Variants in ERAP2 observed in about 807,000 individuals in gnomAD.
The protein encoded by ERAP2 is endoplasmic reticulum aminopeptidase 2.
A neutral mutation model predicts 111.1 loss-of-function variants in ERAP2; 118 were observed. The observed-to-expected ratio is 1.06, with a 90% CI of 0.92 to 1.24. ERAP2 has a LOEUF of 1.24. Ranked by LOEUF, ERAP2 falls within the 50% of genes most tolerant of loss-of-function variation. The pLI is 0.00. For missense variants in ERAP2, 1,131 were observed against 1,125.8 expected (o/e 1.00, Z -0.07); for synonymous variants, 410 against 401.2 (o/e 1.02, Z -0.26).
Position 96,901,679 on chromosome 5 carries a change from G to A in ERAP2, c.1746G>A (p.Glu582=), listed in dbSNP as rs749359343. 1.9e-6 allele frequency: 3 copies of A among 1,613,318 alleles called. No individual in the cohort carries two copies. The highest frequency in any genetic ancestry group is 2.5e-6 in the Non-Finnish European group (3 of 1,179,746). Reference sequence around the variant, plus strand: ...ACCCTGAATGGAGGGCCCTGCAGGAGAGGTGGCTGCTTTTCTTCTTTAGGT... The same window carrying A: ...ACCCTGAATGGAGGGCCCTGCAGGAAAGGTGGCTGCTTTTCTTCTTTAGGT... ...QEDPEWRALQ[E]RYLWHIPLTY... The change falls in exon 11 of 19, where the codon GAG becomes GAA. Residue 582 remains glutamate (E), a splice_region_variant and synonymous_variant. Coordinates refer to ENST00000437043, the MANE Select transcript of ERAP2 (RefSeq NM_022350.5).
intron 7 of ERAP2, among the ~76,000 whole-genome samples, chr5:96,895,958 G>A (rs187444294): frequency 5.9e-5 from 9 of 152,282 alleles, no homozygotes; most frequent in Admixed American, 4.6e-4. Flanking sequence ...TACTGTGTAT[G>A]TACTGAATTT....
chr5:96,907,420 T>C (rs989530158), intron 13 of ERAP2, among the ~76,000 whole-genome samples: 18 of 152,326 alleles, frequency 1.2e-4, no homozygotes, highest in East Asian at 7.7e-4. Flanking sequence ...AAAGAAAAAC[T>C]GGCTTAATAT....
At chr5:96,893,502 T>G (rs1784580902) in intron 6 of ERAP2, among the ~76,000 whole-genome samples, 1 of 152,208 alleles carries the variant, frequency 6.6e-6, no homozygotes, top group African/African-American at 2.4e-5. Context: ...TTAGGTGTTT[T>G]GATCATGAGT....
chr5:96,897,593 T>C (rs1030429348), intron 9 of ERAP2, among the ~76,000 whole-genome samples: 1 of 152,196 alleles, frequency 6.6e-6, no homozygotes, highest in Admixed American at 6.5e-5. Context: ...ATAATAGTGA[T>C]TAATAAGCAG....
In ERAP2 at chr5:96,917,773, G is replaced by A. The variant is rs1200887268; in HGVS notation, c.*168G>A. 4 of 418,028 alleles carry A rather than the reference G, an allele frequency of 9.6e-6. No individual in the cohort carries two copies. The highest frequency in any genetic ancestry group is 1.7e-5 in the Non-Finnish European group (4 of 235,280). 25.9% of individuals were successfully genotyped at this position (418,028 alleles called of 1,614,324 possible). A position where few individuals can be genotyped will look rare whatever the true frequency, so the allele number is the denominator to read the frequency against. ...TACAAAAAATTAGCCGGGCATGGTG[G>A]CAGGTGCCTGTAGTCCCAGCTACTC... On this transcript the variant is annotated 3_prime_UTR_variant, in exon 19 of 19. Coordinates refer to ENST00000437043, the MANE Select transcript of ERAP2 (RefSeq NM_022350.5).
At position 96,903,552 on chromosome 5, in the gene ERAP2, G is replaced by A; in HGVS notation, c.2004G>A (p.Gln668=). ...TAGGTCTGATTCATGATGTGTTTCA[G>A]CTAGTTGGGTAAGGCAACATTTCCT... ...DRVGLIHDVF[Q]LVGAGRLTLD... is the part of the protein sequence containing the mutation. Residue 668 remains glutamine, a synonymous_variant, in exon 13 of 19, where the codon CAG becomes CAA. Coordinates refer to ENST00000437043, the MANE Select transcript of ERAP2 (RefSeq NM_022350.5). 6.3e-7 allele frequency: 1 copy of A among 1,596,280 alleles called. No homozygotes were observed. The highest frequency in any genetic ancestry group is 8.5e-7 in the Non-Finnish European group (1 of 1,173,452).
At chr5:96,891,521 A>AG (rs1784381451) in intron 5 of ERAP2, among the ~76,000 whole-genome samples, 1 of 30,408 alleles carries the variant, frequency 3.3e-5, no homozygotes, top group African/African-American at 1.3e-4. Context: ...ATATATGCCC[A>AG]TATACGGTAT....
At chr5:96,901,760 C>G in intron 11 of ERAP2, 79 bp downstream of exon 11, 1 of 1,437,352 alleles carries the variant, frequency 7.0e-7, no homozygotes, top group South Asian at 1.3e-5. Context: ...CTCAGCTCAT[C>G]TGGCAACTTT....
intron 9 of ERAP2, among the ~76,000 whole-genome samples, chr5:96,898,104 G>A (rs920573707): frequency 8.5e-5 from 13 of 152,206 alleles, no homozygotes; most frequent in Middle Eastern, 3.4e-3. Context: ...GCTAAGGCAG[G>A]AGAATCACTT....
chr5:96,916,455 TC>T (rs1194474842), intron 18 of ERAP2, among the ~76,000 whole-genome samples: 69 of 131,248 alleles, frequency 5.3e-4, no homozygotes, highest in Admixed American at 1.4e-3. Context: ...ATTCTAGTTA[TC>T]TTTTTTTTTT....
intron 5 of ERAP2, 117 bp from the exon 6 acceptor site, chr5:96,892,182 T>G: frequency 9.7e-7 from 1 of 1,027,048 alleles, no homozygotes; most frequent in South Asian, 1.6e-5. Flanking sequence ...ATTCTTGATG[T>G]TTTCAAAAAG....
chr5:96,888,758 A>C (rs1170321783), intron 4 of ERAP2, among the ~76,000 whole-genome samples: 1 of 152,252 alleles, frequency 6.6e-6, no homozygotes, highest in Non-Finnish European at 1.5e-5. Flanking sequence ...GGCGGATCCA[A>C]TAAGTTCTTC....
At chr5:96,904,266 G>C (rs1463918864) in intron 13 of ERAP2, among the ~76,000 whole-genome samples, 1 of 152,124 alleles carries the variant, frequency 6.6e-6, no homozygotes, top group African/African-American at 2.4e-5. Context: ...GAATGAATCA[G>C]GTCACAAGAT....
chr5:96,917,405 A>C, intron 18 of ERAP2, 57 bp from the exon 19 acceptor site: 1 of 1,501,734 alleles, frequency 6.7e-7, no homozygotes, highest in East Asian at 2.5e-5. Context: ...ACAGGTGTGA[A>C]CCACCACACT....
chr5:96,881,204 T>C (rs1228027160), intron 2 of ERAP2: 4 of 345,924 alleles, frequency 1.2e-5, no homozygotes, highest in African/African-American at 8.6e-5. Context: ...GATTTATGCT[T>C]TATAAAGATC....
At position 96,880,069 on chromosome 5, in the gene ERAP2, A is replaced by G; in HGVS notation, c.384A>G (p.Ser128=). The change falls in exon 2 of 19, where the codon TCA becomes TCG. Residue 128 remains serine (S), a synonymous_variant. Coordinates refer to ENST00000437043, the MANE Select transcript of ERAP2 (RefSeq NM_022350.5). ...CCACCCTTCAGTCAGAGGAAGATTC[A>G]AGATACATGAAACCAGGAAAAGAAC... ...TNATLQSEED[S]RYMKPGKELK... 1 of 1,614,170 alleles carries G rather than the reference A, an allele frequency of 6.2e-7. No individual in the cohort carries two copies. The highest frequency in any genetic ancestry group is 8.5e-7 in the Non-Finnish European group (1 of 1,180,022).
In ERAP2 at chr5:96,883,861, G is replaced by C. The variant is rs757064973; in HGVS notation, c.645G>C (p.Leu215Phe). The change falls in exon 3 of 19, where the codon TTG becomes TTC. Residue 215 changes from leucine to phenylalanine, a missense_variant. This residue lies in a region of ERAP2 where 847 missense variants were observed against 856.5 expected (regional missense o/e 0.99). Transcript: ENST00000437043. ...RMAFPCFDEP[L>F]FKANFSIKIR... Reference sequence around the variant, plus strand: ...CTTTCCCTTGCTTTGATGAACCGTTGTTCAAAGCCAACTTTTCAATCAAGA... The same window carrying C: ...CTTTCCCTTGCTTTGATGAACCGTTCTTCAAAGCCAACTTTTCAATCAAGA... The C allele has an allele frequency of 1.5e-5, 25 of 1,613,724 alleles. No individual in the cohort carries two copies. The highest frequency in any genetic ancestry group is 2.0e-5 in the Non-Finnish European group (24 of 1,179,888).
chr5:96,915,516 C>T (rs1017637505), intron 17 of ERAP2, among the ~76,000 whole-genome samples, 172 bp from the exon 18 acceptor site: 2 of 152,170 alleles, frequency 1.3e-5, no homozygotes, highest in Admixed American at 1.3e-4. Flanking sequence ...TGATAAGTTT[C>T]ACAGCTTTAG....
chr5:96,898,506 C>A (rs1287341903), intron 9 of ERAP2, among the ~76,000 whole-genome samples: 2 of 147,096 alleles, frequency 1.4e-5, no homozygotes, highest in African/African-American at 5.1e-5. Context: ...CTTTGGGAGA[C>A]CGAGGTGGGC....
Sources: gnomAD v4.1 joint callset for allele counts (sites outside exome capture counted in the v4.1 genomes callset) on GRCh38, gnomAD v4.1.1 for gene constraint, gnomAD v4.1.1 regional missense constraint, MANE v1.5 for transcripts, NCBI Gene and HGNC (gene_info 2026-07-23, HGNC 2026-07-21) for gene names.